MGLL: variants seen among roughly 807,000 people sequenced by gnomAD.
The protein encoded by MGLL is monoglyceride lipase.
A neutral mutation model predicts 29.1 loss-of-function variants in MGLL; 7 were observed. The ratio of observed to expected loss-of-function variants is 0.24; its 90% CI spans 0.14 to 0.45. The LOEUF (loss-of-function observed/expected upper bound fraction) is 0.45, where lower values mean the gene tolerates loss of function less well. Ranked by LOEUF, MGLL falls within the 20% of genes least tolerant of loss-of-function variation. The probability of loss-of-function intolerance (pLI) is 0.99; values close to 1 mark genes in which losing one functional copy is unlikely to be tolerated. For missense variants in MGLL, 356 were observed against 413.6 expected, an observed-to-expected ratio of 0.86 and a Z score of 1.21; for synonymous variants, 148 against 168.3, an observed-to-expected ratio of 0.88 and a Z score of 0.93.
chr3:127,780,458 A>G (rs374676222), intron 3 of MGLL, among the ~76,000 whole-genome samples: 2 of 152,258 alleles, frequency 1.3e-5, no homozygotes, highest in African/African-American at 4.8e-5. Flanking sequence ...CACAGTCCCC[A>G]TACTAAAAGC....
At chr3:127,811,213 C>T (rs572565168) in intron 2 of MGLL, among the ~76,000 whole-genome samples, 9 of 136,280 alleles carry the variant, frequency 6.6e-5, no homozygotes, top group South Asian at 2.1e-4. Flanking sequence ...ATATGAGGAA[C>T]TTGAATCATC....
Position 127,767,389 on chromosome 3 carries a change from A to C in MGLL, c.262+14400T>G, listed in dbSNP as rs559515212. 5.3e-5 allele frequency among the ~76,000 whole-genome samples: 8 copies of C among 152,318 alleles called. No homozygotes were observed. In the East Asian group the frequency reaches 1.3e-3, roughly 26 times the overall value. Reference sequence around the variant, plus strand: ...TCCAAAGATTGTAAATAATTAACCAATTGTTTATAATTGCAGTCATAAAAT... The same window carrying C: ...TCCAAAGATTGTAAATAATTAACCACTTGTTTATAATTGCAGTCATAAAAT... On this transcript the variant is annotated intron_variant, in intron 3 of 7. Coordinates refer to ENST00000265052, the MANE Select transcript of MGLL (RefSeq NM_007283.7).
intron 2 of MGLL, among the ~76,000 whole-genome samples, chr3:127,809,857 T>C (rs1014520811): frequency 1.6e-4 from 25 of 152,214 alleles, no homozygotes; most frequent in African/African-American, 5.5e-4. Context: ...AGGCAAAGGA[T>C]AAACCAACAG....
At chr3:127,777,707 T>C (rs1004721701) in intron 3 of MGLL, among the ~76,000 whole-genome samples, 2 of 129,724 alleles carry the variant, frequency 1.5e-5, no homozygotes, top group Non-Finnish European at 3.5e-5. Context: ...GCCTCAGACA[T>C]CACGTGCCCT....
In MGLL at chr3:127,780,887, T is replaced by G. The variant is rs532810697; in HGVS notation, c.262+902A>C. Among the ~76,000 whole-genome samples, 66 of 152,378 alleles carry G rather than the reference T, an allele frequency of 4.3e-4. 1 individual carries two copies. Among genetic ancestry groups the G allele is most frequent in the South Asian group, 3.7e-3 (18 of 4,828 alleles). On this transcript the variant is annotated intron_variant, in intron 3 of 7. Coordinates refer to ENST00000265052, the MANE Select transcript of MGLL (RefSeq NM_007283.7). Reference sequence around the variant, plus strand: ...TTGAAGCTGTGGGGAAATCACCGTGTTCAGTCACAGAGAAGTCTTAATTTT... The same window carrying G: ...TTGAAGCTGTGGGGAAATCACCGTGGTCAGTCACAGAGAAGTCTTAATTTT...
intron 3 of MGLL, among the ~76,000 whole-genome samples, chr3:127,738,397 G>T (rs1317268891): frequency 6.6e-6 from 1 of 152,158 alleles, no homozygotes; most frequent in East Asian, 1.9e-4. Context: ...ACAGGAGCAA[G>T]CCACGCCTTG....
chr3:127,699,624 T>C (rs902114999), intron 6 of MGLL, among the ~76,000 whole-genome samples: 1 of 152,354 alleles, frequency 6.6e-6, no homozygotes, highest in Admixed American at 6.5e-5. Context: ...ACCTAGGCAC[T>C]CTGCCACTGC....
At chr3:127,709,093 A>T (rs552583050) in intron 6 of MGLL, among the ~76,000 whole-genome samples, 1 of 152,348 alleles carries the variant, frequency 6.6e-6, no homozygotes, top group East Asian at 1.9e-4. Context: ...GGATTAAATC[A>T]AACAGTGTAT....
At chr3:127,791,676 G>T (rs773606890) in intron 2 of MGLL, among the ~76,000 whole-genome samples, 5 of 152,162 alleles carry the variant, frequency 3.3e-5, no homozygotes, top group Admixed American at 6.5e-5. Context: ...AACTCTTGAG[G>T]CCCGGAGTTC....
chr3:127,715,697 C>A (rs749187108), intron 5 of MGLL: 1 of 456,650 alleles, frequency 2.2e-6, no homozygotes, highest in East Asian at 6.9e-5. Flanking sequence ...GGCGGCATGA[C>A]GAGGAAGCAG....
chr3:127,720,617 C>T (rs527719), intron 5 of MGLL, among the ~76,000 whole-genome samples: 8,327 of 152,232 alleles, frequency 0.055, 659 homozygotes, highest in East Asian at 0.33. Context: ...GTGCCCGGGG[C>T]GGAGGAGCGC....
chr3:127,783,172 GTA>G (rs2077158196), intron 2 of MGLL, among the ~76,000 whole-genome samples: 1 of 121,386 alleles, frequency 8.2e-6, no homozygotes, highest in Non-Finnish European at 1.7e-5. Context: ...AAAAAAAGAA[GTA>G]AAGTAAGTTG....
rs572975338 is a variant in MGLL at position 127,758,250 on chromosome 3, C to A, written c.262+23539G>T. Among the ~76,000 whole-genome samples, 7 of 152,302 alleles carry A rather than the reference C, an allele frequency of 4.6e-5. No homozygotes were observed. In the South Asian group the frequency reaches 1.5e-3, roughly 32 times the overall value. On this transcript the variant is annotated intron_variant, in intron 3 of 7. Coordinates refer to ENST00000265052, the MANE Select transcript of MGLL (RefSeq NM_007283.7). Reference sequence around the variant, plus strand: ...GCATGGCCCCCTGCCCCCACTGCCCCGCCCTCCTCCTCCAAGGTTTTATTT... The same window carrying A: ...GCATGGCCCCCTGCCCCCACTGCCCAGCCCTCCTCCTCCAAGGTTTTATTT...
At position 127,761,636 on chromosome 3, in the gene MGLL, C is replaced by T. The variant is rs1306226032; in HGVS notation, c.262+20153G>A. On this transcript the variant is annotated intron_variant, in intron 3 of 7. Coordinates refer to ENST00000265052, the MANE Select transcript of MGLL (RefSeq NM_007283.7). This position sits in a 1 kb window ranked among gnomAD's most constrained non-coding sequence, Gnocchi z 4.6. Reference sequence around the variant, plus strand: ...TCCACCACAAAGGTACTGTGGGTTTCCTCTTTTGGCTGGTGAGGACACGGA... The same window carrying T: ...TCCACCACAAAGGTACTGTGGGTTTTCTCTTTTGGCTGGTGAGGACACGGA... 2.0e-5 allele frequency among the ~76,000 whole-genome samples: 3 copies of T among 152,230 alleles called. No homozygotes were observed. Among genetic ancestry groups the T allele is most frequent in the African/African-American group, 4.8e-5 (2 of 41,462 alleles).
intron 6 of MGLL, 99 bp from the exon 7 acceptor site, chr3:127,695,289 G>T (rs1576466849): frequency 8.0e-7 from 1 of 1,245,832 alleles, no homozygotes; most frequent in Non-Finnish European, 1.1e-6. Context: ...CTGGCCTGAA[G>T]GGTTGATTCC....
intron 3 of MGLL, among the ~76,000 whole-genome samples, chr3:127,739,596 A>G (rs1030746314): frequency 2.0e-5 from 3 of 152,178 alleles, no homozygotes; most frequent in African/African-American, 7.2e-5. Flanking sequence ...AAACCCACAA[A>G]ATACTACTGT....
Position 127,692,203 on chromosome 3 carries a change from G to A in MGLL, c.937C>T (p.Pro313Ser), listed in dbSNP as rs371143263. The A allele has an allele frequency of 1.9e-6, 3 of 1,613,302 alleles. No individual in the cohort carries two copies. The highest frequency in any genetic ancestry group is 2.5e-6 in the Non-Finnish European group (3 of 1,179,962). The change falls in exon 8 of 8, where the codon CCC becomes TCC. Residue 313 changes from proline to serine, a missense_variant. Transcript: ENST00000265052. ...RTATAGTASPP is the reference protein window; with the variant it reads ...RTATAGTASPS ...CCGGGCACCGGCCAATGCATTCAGGGTGGGGACGCAGTTCCTGCCGTGGCT... is the reference window on the plus strand; with the variant it reads ...CCGGGCACCGGCCAATGCATTCAGGATGGGGACGCAGTTCCTGCCGTGGCT...
At chr3:127,759,340 C>A (rs2076721220) in intron 3 of MGLL, among the ~76,000 whole-genome samples, 1 of 152,178 alleles carries the variant, frequency 6.6e-6, no homozygotes, top group South Asian at 2.1e-4. Flanking sequence ...CTATGCGTGA[C>A]CCTGGCTAAC....
intron 6 of MGLL, among the ~76,000 whole-genome samples, chr3:127,707,969 A>C (rs114719962): frequency 2.0e-3 from 307 of 152,280 alleles, no homozygotes; most frequent in African/African-American, 7.2e-3. Context: ...AGAATTCCAG[A>C]TCTTCCCTGG....
Sources: gnomAD v4.1 joint callset for allele counts (sites outside exome capture counted in the v4.1 genomes callset) on GRCh38, gnomAD v4.1.1 for gene constraint, Gnocchi (gnomAD v3.1) non-coding constraint, MANE v1.5 for transcripts, NCBI Gene and HGNC (gene_info 2026-07-23, HGNC 2026-07-21) for gene names.